WIPI2: variants seen among roughly 807,000 people sequenced by gnomAD.
WIPI2 encodes WD repeat domain, phosphoinositide interacting 2.
A neutral mutation model predicts 52.3 loss-of-function variants in WIPI2; 28 were observed. That is an observed-to-expected ratio of 0.54 (90% confidence interval 0.40 to 0.73). WIPI2 has a LOEUF of 0.73. WIPI2 is among the 30% of genes least tolerant of loss of function. The pLI is 0.00. For missense variants in WIPI2, 506 were observed against 602.9 expected, an observed-to-expected ratio of 0.84 and a Z score of 1.68; for synonymous variants, 268 against 245.0, an observed-to-expected ratio of 1.09 and a Z score of -0.88.
At chr7:5,226,694 T>C (rs1783447994) in intron 9 of WIPI2, 1 of 153,664 alleles carries the variant, frequency 6.5e-6, no homozygotes, top group South Asian at 2.0e-4. Context: ...TGGTCAAAAA[T>C]AATAAATTTT....
In WIPI2 at chr7:5,225,874, C is replaced by T. The variant is rs770539775; in HGVS notation, c.792C>T (p.Ser264=). ...LAFSMDGMFL[S]ASSNTETVHI... is the part of the protein sequence containing the mutation. ...TCAGCATGGACGGCATGTTCCTCTC[C>T]GCCTCCAGCAACACTGAGACCGTGC... Residue 264 remains serine, a synonymous_variant, in exon 9 of 13, where the codon TCC becomes TCT. Transcript: ENST00000288828. The T allele has an allele frequency of 5.8e-5, 93 of 1,613,846 alleles. 1 individual carries two copies. Among genetic ancestry groups the T allele is most frequent in the Admixed American group, 1.2e-4 (7 of 59,978 alleles).
At chr7:5,208,585 C>G (rs960817633) in intron 3 of WIPI2, among the ~76,000 whole-genome samples, 1 of 152,096 alleles carries the variant, frequency 6.6e-6, no homozygotes, top group Non-Finnish European at 1.5e-5. Context: ...AGTCAATAAT[C>G]TATCTCATTA....
In WIPI2 at chr7:5,230,211, C is replaced by T. The variant is rs532047838; in HGVS notation, c.1252+473C>T. Among the ~76,000 whole-genome samples, 8 of 152,244 alleles carry T rather than the reference C, an allele frequency of 5.3e-5. No homozygotes were observed. Among genetic ancestry groups the T allele is most frequent in the African/African-American group, 1.7e-4 (7 of 41,542 alleles). On this transcript the variant is annotated intron_variant, in intron 12 of 12. Transcript: ENST00000288828. This position sits in a 1 kb window ranked among gnomAD's most constrained non-coding sequence, Gnocchi z 4.8. ...CCAAGGGTTTTGCCTCAGTCTTTTC[C>T]CTCCCACCTTTTTCGTCCTTCAGCA...
At chr7:5,212,427 G>A (rs1782603780) in intron 3 of WIPI2, among the ~76,000 whole-genome samples, 1 of 152,186 alleles carries the variant, frequency 6.6e-6, no homozygotes, top group African/African-American at 2.4e-5. Context: ...GGCCGGGGAA[G>A]GGCCTTGTGC....
intron 11 of WIPI2, among the ~76,000 whole-genome samples, chr7:5,229,237 C>T (rs560822745): frequency 3.3e-5 from 5 of 152,022 alleles, no homozygotes; most frequent in African/African-American, 4.8e-5. Context: ...GGATGGTCTC[C>T]GTCTCCTGAC....
rs1782284110 is a variant in WIPI2, at chr7:5,206,113, C to T, written c.211+6455C>T. On this transcript the variant is annotated intron_variant, in intron 3 of 12. Transcript: ENST00000288828. ...TCTTTTTTTCTAAGGCTTCTAAATA[C>T]TAGAAAGGGTTTTTCCTGCTCCCAG... is the stretch of plus-strand genomic sequence containing the variant. 2.6e-5 allele frequency among the ~76,000 whole-genome samples: 4 copies of T among 152,060 alleles called. 1 individual carries two copies. The South Asian group carries it at 8.3e-4, about 32-fold the overall frequency.
chr7:5,217,902 T>A lies in WIPI2; in HGVS notation c.577-20T>A, dbSNP rs776689188. ...CGGTCACTGTGCGGTGGCCACTCTT[T>A]ATTGGTGTCCCTTTTTCAGAGAGCT... On this transcript the variant is annotated intron_variant, in intron 6 of 12. Transcript: ENST00000288828. The A allele has an allele frequency of 1.4e-4, 220 of 1,613,746 alleles. No homozygotes were observed. The highest frequency in any genetic ancestry group is 1.6e-4 in the Non-Finnish European group (191 of 1,179,852).
At chr7:5,210,955 C>T (rs1782527504) in intron 3 of WIPI2, among the ~76,000 whole-genome samples, 1 of 152,196 alleles carries the variant, frequency 6.6e-6, no homozygotes, top group African/African-American at 2.4e-5. Context: ...GCTTTCTCCG[C>T]GGGGTACATC....
rs1562414875 is a variant in WIPI2 at position 5,232,348 on chromosome 7, C to G, written c.*1401C>G. 2.5e-6 allele frequency: 1 copy of G among 398,516 alleles called. No individual in the cohort carries two copies. Among genetic ancestry groups the G allele is most frequent in the Non-Finnish European group, 4.4e-6 (1 of 226,084 alleles). The allele number at this position is 398,516 out of a possible 1,614,324, so 24.7% of individuals were successfully genotyped here. The stretch of plus-strand genomic sequence containing the variant: ...TCAGCTGAGCGGCTGCGGTGAAATG[C>G]CCCAGTGTTCCTGGGTTGGCTTTAC... On this transcript the variant is annotated 3_prime_UTR_variant, in exon 13 of 13. Transcript: ENST00000288828.
intron 3 of WIPI2, among the ~76,000 whole-genome samples, chr7:5,209,394 C>T (rs1244022773): frequency 6.6e-6 from 1 of 152,158 alleles, no homozygotes; most frequent in African/African-American, 2.4e-5. Flanking sequence ...AATATCTTCA[C>T]CATTAAGTAC....
chr7:5,191,277 C>T lies in WIPI2; in HGVS notation c.74+784C>T, dbSNP rs1236935292. Among the ~76,000 whole-genome samples, 5 of 152,190 alleles carry T rather than the reference C, an allele frequency of 3.3e-5. 1 individual carries two copies. The highest frequency in any genetic ancestry group is 2.6e-4 in the Admixed American group (4 of 15,274). On this transcript the variant is annotated intron_variant, in intron 1 of 12. Coordinates refer to ENST00000288828, the MANE Select transcript of WIPI2 (RefSeq NM_015610.4). The stretch of plus-strand genomic sequence containing the variant: ...CCTCAAGTGATCCGCCCACCTCAGC[C>T]TCCCAAAGTGCTGGGATTACAGGTG...
chr7:5,208,684 T>C (rs1782410685), intron 3 of WIPI2, among the ~76,000 whole-genome samples: 1 of 152,228 alleles, frequency 6.6e-6, no homozygotes, highest in Non-Finnish European at 1.5e-5. Flanking sequence ...AAGATTTTTC[T>C]TCCCTCCTGG....
Position 5,225,858 on chromosome 7 carries a change from A to G in WIPI2, c.776A>G (p.Asp259Gly). The part of the protein sequence containing the change: ...VSICSLAFSM[D>G]GMFLSASSNT... ...ATCTGCTCCCTGGCCTTCAGCATGG[A>G]CGGCATGTTCCTCTCCGCCTCCAGC... The change falls in exon 9 of 13, where the codon GAC (aspartate) becomes GGC (glycine). Residue 259 changes from aspartate (D) to glycine (G), a missense_variant. Asp to Gly is a moderately conservative substitution (Grantham distance 94, BLOSUM62 -1). This residue lies in a region of WIPI2 where 237 missense variants were observed against 346.9 expected (regional missense o/e 0.68). Coordinates refer to ENST00000288828, the MANE Select transcript of WIPI2 (RefSeq NM_015610.4). The G allele has an allele frequency of 6.2e-7, 1 of 1,613,742 alleles. No homozygotes were observed. The highest frequency in any genetic ancestry group is 8.5e-7 in the Non-Finnish European group (1 of 1,179,950).
chr7:5,229,690 G>A lies in WIPI2; in HGVS notation c.1204G>A (p.Ala402Thr), dbSNP rs145389718. Residue 402 changes from alanine to threonine, a missense_variant, in exon 12 of 13, where the codon GCA (alanine) becomes ACA (threonine). Ala to Thr is a moderately conservative substitution (Grantham distance 58, BLOSUM62 0). This residue lies in a region of WIPI2 where 194 missense variants were observed against 175.1 expected (regional missense o/e 1.11). Coordinates refer to ENST00000288828, the MANE Select transcript of WIPI2 (RefSeq NM_015610.4). ...DCPLVTQTYG[A>T]AAGKGTYVPS... Reference sequence around the variant, plus strand: ...CCCCTTAGTCACTCAGACATACGGCGCAGCTGCAGGAAAAGGTACTTACGT... The same window carrying A: ...CCCCTTAGTCACTCAGACATACGGCACAGCTGCAGGAAAAGGTACTTACGT... 1.3e-5 allele frequency: 21 copies of A among 1,613,930 alleles called. No homozygotes were observed. Among genetic ancestry groups the A allele is most frequent in the Middle Eastern group, 3.3e-4 (2 of 6,084 alleles).
At chr7:5,216,894 AAT>A in intron 5 of WIPI2, 194 bp from the exon 6 acceptor site, 2 of 706,870 alleles carry the variant, frequency 2.8e-6, no homozygotes, top group Non-Finnish European at 4.6e-6. Flanking sequence ...AAAGGCCTTT[AAT>A]CTCTTGACAA....
At position 5,216,598 on chromosome 7, in the gene WIPI2, C is replaced by T; in HGVS notation, c.417C>T (p.Ile139=). The change falls in exon 5 of 13, where the codon ATC becomes ATT. Residue 139 remains isoleucine, a synonymous_variant. Coordinates refer to ENST00000288828, the MANE Select transcript of WIPI2 (RefSeq NM_015610.4). ...LIVCLEESLY[I]HNIRDMKVLH... ...TATGCCTGGAGGAGTCCCTGTACAT[C>T]CACAACATTCGGGACATGAAGGTGC... 1 of 1,614,202 alleles carries T rather than the reference C, an allele frequency of 6.2e-7. No homozygotes were observed. The highest frequency in any genetic ancestry group is 1.6e-4 in the Middle Eastern group (1 of 6,062).
intron 3 of WIPI2, among the ~76,000 whole-genome samples, chr7:5,202,214 A>T (rs1213929613): frequency 6.6e-6 from 1 of 152,184 alleles, no homozygotes; most frequent in Non-Finnish European, 1.5e-5. Context: ...AACAAGATGG[A>T]CAGCTACTTG....
Position 5,227,551 on chromosome 7 carries a change from C to T in WIPI2, c.1013+207C>T, listed in dbSNP as rs1164090234. On this transcript the variant is annotated intron_variant, in intron 10 of 12. Transcript: ENST00000288828. This position sits in a 1 kb window ranked among gnomAD's most constrained non-coding sequence, Gnocchi z 8.1. Reference sequence around the variant, plus strand: ...GGGGGTCCATTTCCAGACGGGCTCCCGTTCTGTTTTTGTGGATAGTCTGCG... The same window carrying T: ...GGGGGTCCATTTCCAGACGGGCTCCTGTTCTGTTTTTGTGGATAGTCTGCG... 2.6e-5 allele frequency among the ~76,000 whole-genome samples: 4 copies of T among 152,180 alleles called. No individual in the cohort carries two copies. Among genetic ancestry groups the T allele is most frequent in the Admixed American group, 6.5e-5 (1 of 15,276 alleles).
intron 2 of WIPI2, among the ~76,000 whole-genome samples, chr7:5,195,645 T>G (rs867458261): frequency 3.9e-5 from 6 of 152,230 alleles, no homozygotes; most frequent in Non-Finnish European, 7.3e-5. Flanking sequence ...TCAGGTCAAT[T>G]TTGAAATTGT....
Sources: allele counts gnomAD v4.1 joint callset (sites outside exome capture counted in the v4.1 genomes callset), GRCh38; gene constraint gnomAD v4.1.1; regional missense constraint gnomAD v4.1.1; non-coding constraint Gnocchi (gnomAD v3.1); transcripts MANE v1.5; gene names NCBI Gene and HGNC (gene_info 2026-07-23, HGNC 2026-07-21).